Variants in PRKN observed in about 807,000 individuals in gnomAD.
PRKN encodes the protein parkin RBR E3 ubiquitin protein ligase.
PRKN carries 56 observed loss-of-function variants against 59.5 expected under a neutral mutation model. The observed-to-expected ratio is 0.94, with a 90% CI of 0.76 to 1.18. PRKN has a LOEUF of 1.18. Ranked by LOEUF, PRKN falls within the 50% of genes most tolerant of loss-of-function variation. The pLI is 0.00. For synonymous variants in PRKN, 250 were observed against 222.1 expected, an observed-to-expected ratio of 1.13 and a Z score of -1.12; for missense variants, 657 against 596.4, an observed-to-expected ratio of 1.10 and a Z score of -1.06.
At chr6:162,407,861 T>C (rs1245591395) in intron 2 of PRKN, among the ~76,000 whole-genome samples, 9 of 152,134 alleles carry the variant, frequency 5.9e-5, no homozygotes, top group African/African-American at 1.9e-4. Flanking sequence ...TCTAGAGAAA[T>C]GTAACTTGGT....
At chr6:162,169,597 A>G (rs2128319167) in intron 4 of PRKN, among the ~76,000 whole-genome samples, 1 of 152,322 alleles carries the variant, frequency 6.6e-6, no homozygotes, top group South Asian at 2.1e-4. Flanking sequence ...CCTGATGAAA[A>G]TACACACGAT....
rs1554301354 is a variant in PRKN at position 161,757,933 on chromosome 6, G to GTGTGTGTATATATATATATA, written c.871+27838_871+27839insTATATATATATATACACACA. Among the ~76,000 whole-genome samples, 217 of 101,412 alleles carry GTGTGTGTATATATATATATA rather than the reference G, an allele frequency of 2.1e-3. 1 individual carries two copies. The highest frequency in any genetic ancestry group is 7.9e-3 in the African/African-American group (208 of 26,434). The allele number at this position is 101,412 out of a possible 152,430, so 66.5% of individuals were successfully genotyped here. On this transcript the variant is annotated intron_variant, in intron 7 of 11. Coordinates refer to ENST00000366898, the MANE Select transcript of PRKN (RefSeq NM_004562.3). ...CACACACACACACATCTCTCTCTCT[G>GTGTGTGTATATATATATATA]TATATATATGTATATATATATACAG...
rs1031359835 is a variant in PRKN, at chr6:161,554,929, C to G, written c.934-5926G>C. On this transcript the variant is annotated intron_variant, in intron 8 of 11. Transcript: ENST00000366898. The surrounding 1 kb of genome is among the most constrained non-coding windows in gnomAD (Gnocchi z 4.5). ...GGAATTTTTTCCATTTCTTTAGAAT[C>G]CAGGAATTTTGTTAGAGTATATCTT... is the stretch of plus-strand genomic sequence containing the variant. 2.6e-5 allele frequency among the ~76,000 whole-genome samples: 4 copies of G among 151,888 alleles called. No individual in the cohort carries two copies. The highest frequency in any genetic ancestry group is 2.6e-4 in the Admixed American group (4 of 15,258).
At chr6:161,607,945 G>A (rs1012519715) in intron 7 of PRKN, among the ~76,000 whole-genome samples, 1 of 152,180 alleles carries the variant, frequency 6.6e-6, no homozygotes, top group African/African-American at 2.4e-5. Context: ...AGCCCTGAAA[G>A]CTTGAACAGA....
At chr6:161,368,381 T>TTATATATATATATATATA (rs1562399363) in intron 10 of PRKN, among the ~76,000 whole-genome samples, 3 of 70,808 alleles carry the variant, frequency 4.2e-5, no homozygotes, top group African/African-American at 1.3e-4. Context: ...ACCTCAGTCT[T>TTATATATATATATATATA]GATATATATA....
intron 7 of PRKN, among the ~76,000 whole-genome samples, chr6:161,639,963 G>A (rs960216797): frequency 6.6e-6 from 1 of 152,126 alleles, no homozygotes; most frequent in East Asian, 1.9e-4. Context: ...ATGACTAGGG[G>A]CTCCAGAGAG....
intron 6 of PRKN, among the ~76,000 whole-genome samples, chr6:161,818,270 C>A (rs1007200409): frequency 6.6e-6 from 1 of 151,890 alleles, no homozygotes; most frequent in Non-Finnish European, 1.5e-5. Flanking sequence ...GTCCTACTAT[C>A]CTGAGGTCAA....
chr6:161,567,456 G>A (rs1780699024), intron 8 of PRKN, among the ~76,000 whole-genome samples: 1 of 152,070 alleles, frequency 6.6e-6, no homozygotes, highest in African/African-American at 2.4e-5. Context: ...AGTAGAATAT[G>A]GAGATTTTTC....
rs1188786976 is a variant in PRKN, at chr6:161,447,877, A to T, written c.1084-61000T>A. On this transcript the variant is annotated intron_variant, in intron 9 of 11. Transcript: ENST00000366898. This position sits in a 1 kb window ranked among gnomAD's most constrained non-coding sequence, Gnocchi z 4.1. The stretch of plus-strand genomic sequence containing the variant: ...CTTCCAAATTTCACAGGCCTAGAGG[A>T]AAGTTAAGCCCTGGAAATGGAGTTG... 6.6e-6 allele frequency among the ~76,000 whole-genome samples: 1 copy of T among 152,162 alleles called. No individual in the cohort carries two copies. Among genetic ancestry groups the T allele is most frequent in the African/African-American group, 2.4e-5 (1 of 41,432 alleles).
At position 161,956,590 on chromosome 6, in the gene PRKN, C is replaced by T. The variant is rs560555474; in HGVS notation, c.734+16712G>A. 2.6e-5 allele frequency among the ~76,000 whole-genome samples: 4 copies of T among 152,164 alleles called. No individual in the cohort carries two copies. The South Asian group carries it at 8.3e-4, about 32-fold the overall frequency. ...AATTTTCAAGATAAAAGGATAGTTC[C>T]ATCCATCTATAATTTAGTAAGGGAT... On this transcript the variant is annotated intron_variant, in intron 6 of 11. Coordinates refer to ENST00000366898, the MANE Select transcript of PRKN (RefSeq NM_004562.3).
intron 1 of PRKN, among the ~76,000 whole-genome samples, chr6:162,576,680 C>T (rs532306828): frequency 1.3e-5 from 2 of 151,756 alleles, no homozygotes; most frequent in African/African-American, 4.8e-5. Context: ...GGCGTGGTGG[C>T]GCATGCCTGT....
At chr6:162,458,809 G>A (rs1402667327) in intron 1 of PRKN, among the ~76,000 whole-genome samples, 5 of 152,024 alleles carry the variant, frequency 3.3e-5, no homozygotes, top group African/African-American at 9.7e-5. Flanking sequence ...AGAAGAGGAA[G>A]AAATAAATGT....
chr6:161,673,107 T>C (rs935991893), intron 7 of PRKN, among the ~76,000 whole-genome samples: 2 of 152,102 alleles, frequency 1.3e-5, no homozygotes, highest in Non-Finnish European at 2.9e-5. Flanking sequence ...TGGAATGCTG[T>C]CCACTCGGCC....
At chr6:161,517,596 C>T (rs368253234) in intron 9 of PRKN, among the ~76,000 whole-genome samples, 11 of 151,694 alleles carry the variant, frequency 7.3e-5, no homozygotes, top group East Asian at 1.9e-4. Context: ...AAAAATTAGC[C>T]GGGCATGGTG....
At chr6:161,754,490 T>C (rs889635118) in intron 7 of PRKN, among the ~76,000 whole-genome samples, 4 of 151,866 alleles carry the variant, frequency 2.6e-5, no homozygotes, top group African/African-American at 9.7e-5. Flanking sequence ...TGGGTGCTTG[T>C]GGGAGGCTGC....
At chr6:162,517,978 A>G (rs932727506) in intron 1 of PRKN, among the ~76,000 whole-genome samples, 3 of 152,222 alleles carry the variant, frequency 2.0e-5, no homozygotes, top group Non-Finnish European at 4.4e-5. Flanking sequence ...TGGATGCTAT[A>G]AGTGAATACA....
intron 7 of PRKN, among the ~76,000 whole-genome samples, chr6:161,725,671 G>A (rs1333311455): frequency 6.6e-6 from 1 of 152,142 alleles, no homozygotes; most frequent in Non-Finnish European, 1.5e-5. Flanking sequence ...GGGTTTTGGA[G>A]GTACCTGGAG....
intron 1 of PRKN, among the ~76,000 whole-genome samples, chr6:162,450,286 G>C (rs984349730): frequency 1.5e-5 from 2 of 135,588 alleles, no homozygotes; most frequent in Non-Finnish European, 3.0e-5. Flanking sequence ...ATGCCCCTTT[G>C]AGTGTAACAC....
chr6:161,741,512 A>G (rs191725928), intron 7 of PRKN, among the ~76,000 whole-genome samples: 1 of 152,264 alleles, frequency 6.6e-6, no homozygotes, highest in East Asian at 1.9e-4. Context: ...GCCCTAGAGC[A>G]TCACATCAGG....
Sources: allele counts gnomAD v4.1 joint callset (sites outside exome capture counted in the v4.1 genomes callset), GRCh38; gene constraint gnomAD v4.1.1; non-coding constraint Gnocchi (gnomAD v3.1); transcripts MANE v1.5; gene names NCBI Gene and HGNC (gene_info 2026-07-23, HGNC 2026-07-21).